EDA: variants seen among roughly 807,000 people sequenced by gnomAD.
EDA encodes ectodysplasin-A.
EDA carries 2 observed loss-of-function variants against 23.6 expected under a neutral mutation model. The observed-to-expected ratio is 0.08, with a 90% CI of 0.03 to 0.27. EDA has a LOEUF of 0.27. Among genes scored for constraint, EDA ranks in the 10% least tolerant of loss-of-function variants. The probability of loss-of-function intolerance (pLI) is 1.00; values close to 1 mark genes in which losing one functional copy is unlikely to be tolerated. For synonymous variants in EDA, 131 were observed against 132.0 expected (o/e 0.99, Z 0.05); for missense variants, 229 against 324.2 (o/e 0.71, Z 2.26).
chrX:69,708,100 C>T (rs1323268703), intron 1 of EDA, among the ~76,000 whole-genome samples: 1 of 111,249 alleles, frequency 9.0e-6, no homozygotes, highest in Non-Finnish European at 1.9e-5. Context: ...ATCCGACTTC[C>T]GATGCCAATC....
chrX:69,724,730 G>T (rs746169160), intron 1 of EDA, among the ~76,000 whole-genome samples: 6 of 112,121 alleles, frequency 5.4e-5, no homozygotes, highest in Non-Finnish European at 1.1e-4. Context: ...CCACAAAGGG[G>T]AGAAATCCTA....
intron 1 of EDA, among the ~76,000 whole-genome samples, chrX:69,652,805 C>T (rs946906379): frequency 8.9e-6 from 1 of 111,775 alleles, no homozygotes; most frequent in Non-Finnish European, 1.9e-5. Flanking sequence ...TTGCTATAAT[C>T]ATAGAAGCAG....
At chrX:70,014,477 G>A (rs188109284) in intron 2 of EDA, among the ~76,000 whole-genome samples, 39 of 112,414 alleles carry the variant, frequency 3.5e-4, no homozygotes, top group African/African-American at 1.2e-3. Flanking sequence ...ATCAGCCCAC[G>A]CAGATGAGAA....
intron 1 of EDA, among the ~76,000 whole-genome samples, chrX:69,788,196 A>G (rs902849026): frequency 1.8e-5 from 2 of 111,111 alleles, no homozygotes; most frequent in African/African-American, 6.6e-5. Flanking sequence ...CATTCTTCTA[A>G]ATTGTTTTCA....
intron 6 of EDA, among the ~76,000 whole-genome samples, chrX:70,033,133 G>A (rs1223105474): frequency 3.5e-5 from 4 of 112,883 alleles, no homozygotes; most frequent in Admixed American, 9.3e-5. Flanking sequence ...GAAGGTATTG[G>A]TTAAAGACCC....
chrX:69,671,340 T>G (rs962139997), intron 1 of EDA, among the ~76,000 whole-genome samples: 4 of 111,172 alleles, frequency 3.6e-5, no homozygotes, highest in Non-Finnish European at 5.7e-5. Flanking sequence ...TGGGTATCTG[T>G]GTTGGTGTCA....
At chrX:69,956,449 C>T (rs746281108) in intron 1 of EDA, among the ~76,000 whole-genome samples, 2 of 106,970 alleles carry the variant, frequency 1.9e-5, no homozygotes, top group African/African-American at 3.4e-5. Flanking sequence ...TCAGGCGATT[C>T]TCCTACCTCA....
intron 1 of EDA, among the ~76,000 whole-genome samples, chrX:69,871,514 G>A: frequency 9.0e-6 from 1 of 111,520 alleles, no homozygotes; most frequent in African/African-American, 3.3e-5. Flanking sequence ...TAGACTAGGA[G>A]GCTAGGCCCG....
intron 1 of EDA, among the ~76,000 whole-genome samples, chrX:69,813,702 C>T (rs1159050235): frequency 2.7e-5 from 3 of 111,144 alleles, no homozygotes; most frequent in African/African-American, 9.8e-5. Flanking sequence ...AAAGCAAAAC[C>T]ACTGTTTTAT....
intron 1 of EDA, among the ~76,000 whole-genome samples, chrX:69,928,741 A>C (rs1366869480): frequency 8.9e-6 from 1 of 112,213 alleles, no homozygotes; most frequent in Non-Finnish European, 1.9e-5. Flanking sequence ...TAAACCAGGG[A>C]TATTTCCTTG....
intron 1 of EDA, among the ~76,000 whole-genome samples, chrX:69,635,601 C>CTT: frequency 3.9e-5 from 3 of 77,824 alleles, no homozygotes; most frequent in African/African-American, 1.9e-4. Context: ...CAGAGTTTCA[C>CTT]TCTTTCACCC....
intron 1 of EDA, among the ~76,000 whole-genome samples, chrX:69,770,037 G>A (rs932715385): frequency 5.4e-5 from 6 of 111,582 alleles, no homozygotes; most frequent in Non-Finnish European, 7.5e-5. Flanking sequence ...GAGATTCGCC[G>A]TTTTCACTCA....
At chrX:69,751,855 G>T (rs2013889606) in intron 1 of EDA, among the ~76,000 whole-genome samples, 1 of 107,764 alleles carries the variant, frequency 9.3e-6, no homozygotes, top group African/African-American at 3.5e-5. Flanking sequence ...TGTTATAACA[G>T]AACAGAATCC....
intron 1 of EDA, among the ~76,000 whole-genome samples, chrX:69,921,076 T>C (rs1257049136): frequency 9.0e-6 from 1 of 111,346 alleles, no homozygotes; most frequent in African/African-American, 3.3e-5. Flanking sequence ...CTTTGGCCTT[T>C]GGGAGGTCTT....
intron 7 of EDA, among the ~76,000 whole-genome samples, chrX:70,034,448 G>A (rs2020237832): frequency 8.9e-6 from 1 of 111,733 alleles, no homozygotes; most frequent in Non-Finnish European, 1.9e-5. Context: ...AATGATTTAC[G>A]GTGATATCTG....
intron 1 of EDA, among the ~76,000 whole-genome samples, chrX:69,678,468 TC>T (rs1934194140): frequency 8.9e-6 from 1 of 111,937 alleles, no homozygotes; most frequent in African/African-American, 3.3e-5. Flanking sequence ...GTAATGTTCT[TC>T]CATTTGTTTG....
intron 1 of EDA, among the ~76,000 whole-genome samples, chrX:69,655,787 TTGC>T (rs1933302701): frequency 4.5e-5 from 4 of 88,362 alleles, no homozygotes; most frequent in African/African-American, 1.4e-4. Flanking sequence ...TATATATATA[TTGC>T]ACTTTGTGAT....
intron 1 of EDA, among the ~76,000 whole-genome samples, chrX:69,703,542 G>A (rs112902800): frequency 0.018 from 2,078 of 112,560 alleles, 35 homozygotes; most frequent in Middle Eastern, 0.037. Flanking sequence ...CCTGGGTGCA[G>A]ACGGGCTGAG....
At chrX:69,739,517 T>C (rs1311567873) in intron 1 of EDA, among the ~76,000 whole-genome samples, 1 of 111,396 alleles carries the variant, frequency 9.0e-6, no homozygotes, top group African/African-American at 3.2e-5. Flanking sequence ...TATCTGCCAC[T>C]TTGCTTTTGA....
Sources: gnomAD v4.1 joint callset for allele counts (sites outside exome capture counted in the v4.1 genomes callset) on GRCh38, gnomAD v4.1.1 for gene constraint, MANE v1.5 for transcripts, NCBI Gene and HGNC (gene_info 2026-07-23, HGNC 2026-07-21) for gene names.